The following STXBP6 variants were observed in gnomAD, a reference collection of about 807,000 sequenced individuals.
The protein encoded by STXBP6 is syntaxin-binding protein 6.
A neutral mutation model predicts 26.9 loss-of-function variants in STXBP6; 21 were observed. That is an observed-to-expected ratio of 0.78 (90% CI 0.55 to 1.12). The LOEUF is 1.12. Among genes scored for constraint, STXBP6 ranks in the 50% most tolerant of loss-of-function variants. The pLI, the probability that STXBP6 is intolerant of heterozygous loss-of-function variation, is 0.00. For synonymous variants in STXBP6, 97 were observed against 92.6 expected (o/e 1.05, Z -0.27); for missense variants, 232 against 257.9 (o/e 0.90, Z 0.69).
intron 2 of STXBP6, among the ~76,000 whole-genome samples, chr14:24,928,040 G>C (rs1227771864): frequency 6.6e-6 from 1 of 152,114 alleles, no homozygotes; most frequent in East Asian, 1.9e-4. Context: ...CTGAAACACA[G>C]AGGTGCTCTG....
At chr14:25,006,429 A>G (rs1227948445) in intron 1 of STXBP6, among the ~76,000 whole-genome samples, 2 of 152,212 alleles carry the variant, frequency 1.3e-5, no homozygotes, top group Non-Finnish European at 2.9e-5. Flanking sequence ...GTATACATAC[A>G]TATATAAAAA....
intron 2 of STXBP6, among the ~76,000 whole-genome samples, chr14:24,861,588 G>T (rs766970886): frequency 1.3e-5 from 2 of 152,194 alleles, no homozygotes; most frequent in Non-Finnish European, 2.9e-5. Flanking sequence ...CAGGTCTGAG[G>T]CTGCTGCGCC....
chr14:24,868,696 G>A (rs1383502806), intron 2 of STXBP6, among the ~76,000 whole-genome samples: 1 of 152,170 alleles, frequency 6.6e-6, no homozygotes. Context: ...AAGAGGTCAT[G>A]GCAGGAGTGG....
chr14:24,886,463 C>T (rs1440183083), intron 2 of STXBP6, among the ~76,000 whole-genome samples: 1 of 152,124 alleles, frequency 6.6e-6, no homozygotes, highest in Non-Finnish European at 1.5e-5. Context: ...CAGGACCTGA[C>T]ATATTAAGTA....
intron 1 of STXBP6, among the ~76,000 whole-genome samples, chr14:25,018,716 T>C (rs2075205622): frequency 1.3e-5 from 2 of 152,344 alleles, no homozygotes; most frequent in South Asian, 4.1e-4. Flanking sequence ...CTCTAGACCA[T>C]TGCTTCCTTC....
At chr14:24,965,891 C>G (rs1269465682) in intron 2 of STXBP6, among the ~76,000 whole-genome samples, 1 of 152,172 alleles carries the variant, frequency 6.6e-6, no homozygotes, top group African/African-American at 2.4e-5. Flanking sequence ...AAGAATGCAT[C>G]TATGTGGCTT....
At chr14:25,021,719 T>C (rs563936938) in intron 1 of STXBP6, among the ~76,000 whole-genome samples, 1 of 152,192 alleles carries the variant, frequency 6.6e-6, no homozygotes, top group Non-Finnish European at 1.5e-5. Context: ...CTTACAGACT[T>C]GTCCTCTTCT....
intron 1 of STXBP6, among the ~76,000 whole-genome samples, chr14:25,012,472 T>C (rs1428497970): frequency 6.6e-6 from 1 of 152,138 alleles, no homozygotes; most frequent in Non-Finnish European, 1.5e-5. Flanking sequence ...CTAGTGCCAG[T>C]AGTCCCAGCT....
intron 1 of STXBP6, among the ~76,000 whole-genome samples, chr14:25,048,007 A>G (rs2075751637): frequency 6.6e-6 from 1 of 152,200 alleles, no homozygotes; most frequent in Admixed American, 6.5e-5. Flanking sequence ...TGCCTTCCTC[A>G]GATAAATATG....
At chr14:24,951,643 T>G (rs12893349) in intron 2 of STXBP6, among the ~76,000 whole-genome samples, 104,169 of 152,002 alleles carry the variant, frequency 0.69, 35,878 homozygotes, top group Middle Eastern at 0.77. Context: ...CAAGCAACTC[T>G]ATTATATTAC....
intron 2 of STXBP6, among the ~76,000 whole-genome samples, chr14:24,905,412 G>A (rs1197629961): frequency 6.6e-6 from 1 of 152,144 alleles, no homozygotes; most frequent in Non-Finnish European, 1.5e-5. Context: ...CAAAGTGCCT[G>A]GAATGCAGCA....
intron 1 of STXBP6, among the ~76,000 whole-genome samples, chr14:24,995,183 G>A (rs1277305028): frequency 6.6e-6 from 1 of 152,142 alleles, no homozygotes; most frequent in African/African-American, 2.4e-5. Flanking sequence ...GTGCCTTGTA[G>A]CTGTGTACTC....
At chr14:24,888,389 A>G (rs2070665364) in intron 2 of STXBP6, among the ~76,000 whole-genome samples, 1 of 152,192 alleles carries the variant, frequency 6.6e-6, no homozygotes, top group Admixed American at 6.5e-5. Flanking sequence ...ATTTTAAGGC[A>G]TCATCACTAC....
chr14:24,835,978 T>C (rs970364154), intron 4 of STXBP6, among the ~76,000 whole-genome samples: 2 of 152,226 alleles, frequency 1.3e-5, no homozygotes, highest in African/African-American at 4.8e-5. Context: ...CTGCACACTG[T>C]AGTCACCATG....
intron 2 of STXBP6, among the ~76,000 whole-genome samples, chr14:24,974,100 G>C (rs1341146157): frequency 1.4e-5 from 2 of 145,554 alleles, no homozygotes; most frequent in Admixed American, 1.4e-4. Flanking sequence ...AACAGAAAGA[G>C]AAAGAAAAAA....
chr14:24,973,234 C>T lies in STXBP6; in HGVS notation c.154+1431G>A, dbSNP rs572497214. Among the ~76,000 whole-genome samples the T allele has an allele frequency of 5.9e-5, 9 of 152,252 alleles. No homozygotes were observed. In the Middle Eastern group the frequency reaches 0.01, roughly 174 times the overall value. On this transcript the variant is annotated intron_variant, in intron 2 of 5. Coordinates refer to ENST00000323944, the MANE Select transcript of STXBP6 (RefSeq NM_001394410.1). ...ATTAATTGAGGCCCTAGAATATGCC[C>T]GGCACTGCTTAGCGCACTAAAGAAA...
intron 4 of STXBP6, among the ~76,000 whole-genome samples, chr14:24,847,795 T>C (rs907021998): frequency 6.6e-6 from 1 of 152,200 alleles, no homozygotes; most frequent in Admixed American, 6.5e-5. Context: ...CACTGGAAGA[T>C]CTGAATTATG....
intron 2 of STXBP6, among the ~76,000 whole-genome samples, chr14:24,961,516 C>T (rs960263884): frequency 2.0e-5 from 3 of 151,130 alleles, no homozygotes; most frequent in Non-Finnish European, 4.4e-5. Context: ...GGATGGAGGC[C>T]ATTATTCTAA....
Position 24,812,548 on chromosome 14 carries a change from C to A in STXBP6, c.*161G>T, listed in dbSNP as rs925631900. 1 of 641,424 alleles carries A rather than the reference C, an allele frequency of 1.6e-6. No individual in the cohort carries two copies. The highest frequency in any genetic ancestry group is 2.7e-6 in the Non-Finnish European group (1 of 369,042). 39.7% of individuals were successfully genotyped at this position (641,424 alleles called of 1,614,324 possible). A position where few individuals can be genotyped will look rare whatever the true frequency, so the allele number is the denominator to read the frequency against. ...ATTAGGGAAATGTAAAAATGCAACA[C>A]CCTTTCTTTCACATTAACATCTGAA... On this transcript the variant is annotated 3_prime_UTR_variant, in exon 6 of 6. Coordinates refer to ENST00000323944, the MANE Select transcript of STXBP6 (RefSeq NM_001394410.1).
Sources: gnomAD v4.1 joint callset for allele counts (sites outside exome capture counted in the v4.1 genomes callset) on GRCh38, gnomAD v4.1.1 for gene constraint, MANE v1.5 for transcripts, NCBI Gene and HGNC (gene_info 2026-07-23, HGNC 2026-07-21) for gene names.